Variants in MGMT observed in about 807,000 individuals in gnomAD.
MGMT encodes the protein O-6-methylguanine-DNA methyltransferase.
In MGMT, 14 loss-of-function variants were observed where a neutral mutation model predicts 15.9. That is an observed-to-expected ratio of 0.88 (90% confidence interval 0.58 to 1.37). The LOEUF is 1.37. MGMT is among the 40% of genes most tolerant of loss of function. The pLI is 0.00. For synonymous variants in MGMT, 130 were observed against 118.2 expected, an observed-to-expected ratio of 1.10 and a Z score of -0.65; for missense variants, 282 against 268.1, an observed-to-expected ratio of 1.05 and a Z score of -0.36.
rs1366120128 is a variant in MGMT, at chr10:129,536,242, T to G, written c.-11T>G. On this transcript the variant is annotated splice_region_variant and 5_prime_UTR_variant, in exon 2 of 5. Transcript: ENST00000651593. ...GTCTTAAAAATTATTTCTGTTTAGGTACTTGGAAAAATGGACAAGGATTGT... is the reference window on the plus strand; with the variant it reads ...GTCTTAAAAATTATTTCTGTTTAGGGACTTGGAAAAATGGACAAGGATTGT... The G allele has an allele frequency of 6.2e-7, 1 of 1,613,828 alleles. No individual in the cohort carries two copies. Among genetic ancestry groups the G allele is most frequent in the Admixed American group, 1.7e-5 (1 of 59,896 alleles).
At chr10:129,717,177 T>C (rs1848309602) in intron 3 of MGMT, among the ~76,000 whole-genome samples, 1 of 152,250 alleles carries the variant, frequency 6.6e-6, no homozygotes, top group Non-Finnish European at 1.5e-5. Flanking sequence ...AATTACGGTA[T>C]CAACTTTCAG....
chr10:129,580,217 G>T (rs577323806), intron 2 of MGMT, among the ~76,000 whole-genome samples: 1 of 152,182 alleles, frequency 6.6e-6, no homozygotes, highest in Non-Finnish European at 1.5e-5. Flanking sequence ...TGCTGTGCCC[G>T]GGGGGGCGGG....
chr10:129,752,241 C>G (rs976721564), intron 3 of MGMT, among the ~76,000 whole-genome samples: 1 of 151,840 alleles, frequency 6.6e-6, no homozygotes, highest in Admixed American at 6.6e-5. Flanking sequence ...ATGTAATATT[C>G]CTTTTTACCC....
At chr10:129,518,337 T>TACACAC (rs61316662) in intron 1 of MGMT, among the ~76,000 whole-genome samples, 8,608 of 119,284 alleles carry the variant, frequency 0.072, 319 homozygotes, top group Middle Eastern at 0.1. Context: ...TACACACACA[T>TACACAC]ACACACACAC....
At chr10:129,655,282 G>T (rs1474463071) in intron 2 of MGMT, among the ~76,000 whole-genome samples, 2 of 152,216 alleles carry the variant, frequency 1.3e-5, no homozygotes, top group African/African-American at 4.8e-5. Flanking sequence ...AGCCTCACTG[G>T]CCTGGTGTGG....
intron 2 of MGMT, among the ~76,000 whole-genome samples, chr10:129,540,878 G>A (rs1397522247): frequency 4.6e-5 from 7 of 152,176 alleles, no homozygotes; most frequent in Non-Finnish European, 1.5e-5. Flanking sequence ...CCTCATCTCG[G>A]GGTGCTCCCA....
intron 1 of MGMT, among the ~76,000 whole-genome samples, chr10:129,476,043 G>A (rs940589601): frequency 3.9e-5 from 6 of 152,152 alleles, no homozygotes; most frequent in African/African-American, 1.4e-4. Context: ...TGCCTCCCTC[G>A]GCTCTCATTC....
intron 2 of MGMT, among the ~76,000 whole-genome samples, chr10:129,565,357 C>A (rs76867484): frequency 0.032 from 4,922 of 151,756 alleles, 129 homozygotes; most frequent in South Asian, 0.065. Flanking sequence ...GCTATGAAAG[C>A]ATCACTTTGA....
intron 1 of MGMT, among the ~76,000 whole-genome samples, chr10:129,524,582 C>CT (rs66701664): frequency 0.014 from 965 of 68,072 alleles, 109 homozygotes; most frequent in Middle Eastern, 0.067. Context: ...TCCAAAAAGA[C>CT]TTTTTTTTTT....
At position 129,698,284 on chromosome 10, in the gene MGMT, C is replaced by T. The variant is rs114196520; in HGVS notation, c.126-9611C>T. Among the ~76,000 whole-genome samples, 1,234 of 152,248 alleles carry T rather than the reference C, an allele frequency of 8.1e-3. 19 individuals carry two copies. Among genetic ancestry groups the T allele is most frequent in the African/African-American group, 0.026 (1,087 of 41,552 alleles). On this transcript the variant is annotated intron_variant, in intron 2 of 4. Transcript: ENST00000651593. ...TTGCATGACAGACACCAGCGGTTGACCAGATGCCCCATTTGAAGCCCATGT... is the reference window on the plus strand; with the variant it reads ...TTGCATGACAGACACCAGCGGTTGATCAGATGCCCCATTTGAAGCCCATGT...
intron 2 of MGMT, among the ~76,000 whole-genome samples, chr10:129,580,863 G>C (rs1451507834): frequency 6.6e-6 from 1 of 152,224 alleles, no homozygotes; most frequent in Non-Finnish European, 1.5e-5. Flanking sequence ...TTTGTTGAGG[G>C]CTGCCTTACC....
At chr10:129,542,032 C>T (rs1846047556) in intron 2 of MGMT, among the ~76,000 whole-genome samples, 1 of 152,182 alleles carries the variant, frequency 6.6e-6, no homozygotes, top group East Asian at 1.9e-4. Flanking sequence ...CGTATCCTGC[C>T]GGGCCTCTGT....
At chr10:129,473,927 T>C (rs1218577180) in intron 1 of MGMT, among the ~76,000 whole-genome samples, 2 of 151,970 alleles carry the variant, frequency 1.3e-5, no homozygotes, top group African/African-American at 4.8e-5. Flanking sequence ...GCCAGCCATG[T>C]CCCGGGACTG....
At chr10:129,476,618 G>A (rs1009947441) in intron 1 of MGMT, among the ~76,000 whole-genome samples, 11 of 152,132 alleles carry the variant, frequency 7.2e-5, no homozygotes, top group East Asian at 1.9e-4. Context: ...CAGCTTAGCC[G>A]GCGTGACTCA....
chr10:129,627,348 A>G (rs1168041325), intron 2 of MGMT, among the ~76,000 whole-genome samples: 1 of 152,226 alleles, frequency 6.6e-6, no homozygotes, highest in Non-Finnish European at 1.5e-5. Flanking sequence ...CCAGTCTAAC[A>G]AAAACAGAAA....
At chr10:129,739,605 G>A (rs1462602263) in intron 3 of MGMT, among the ~76,000 whole-genome samples, 2 of 151,132 alleles carry the variant, frequency 1.3e-5, no homozygotes, top group Admixed American at 6.6e-5. Context: ...GCCCTGGTCA[G>A]ATCAGAACCA....
rs568079673 is a variant in MGMT at position 129,535,001 on chromosome 10, C to T, written c.-12-1240C>T. Reference sequence around the variant, plus strand: ...GAGATTGTGTGTAAATAAATGAACACAATTGTGTCTCAATAAAACTTTATT... The same window carrying T: ...GAGATTGTGTGTAAATAAATGAACATAATTGTGTCTCAATAAAACTTTATT... On this transcript the variant is annotated intron_variant, in intron 1 of 4. Transcript: ENST00000651593. 9.2e-5 allele frequency among the ~76,000 whole-genome samples: 14 copies of T among 152,328 alleles called. No individual in the cohort carries two copies. In the East Asian group the frequency reaches 2.7e-3, roughly 29 times the overall value.
At chr10:129,607,356 C>T (rs1564866987) in intron 2 of MGMT, among the ~76,000 whole-genome samples, 1 of 151,956 alleles carries the variant, frequency 6.6e-6, no homozygotes, top group Non-Finnish European at 1.5e-5. Flanking sequence ...TTCCTTTCTA[C>T]CTAAGTACCA....
At chr10:129,560,686 A>G (rs1489449644) in intron 2 of MGMT, among the ~76,000 whole-genome samples, 1 of 152,206 alleles carries the variant, frequency 6.6e-6, no homozygotes, top group African/African-American at 2.4e-5. Flanking sequence ...GTTCAATACA[A>G]ATATATAAAT....
Sources: allele counts gnomAD v4.1 joint callset (sites outside exome capture counted in the v4.1 genomes callset), GRCh38; gene constraint gnomAD v4.1.1; transcripts MANE v1.5; gene names NCBI Gene and HGNC (gene_info 2026-07-23, HGNC 2026-07-21).